The following TOP6BL variants were observed in gnomAD, a reference collection of about 807,000 sequenced individuals.
TOP6BL encodes type 2 DNA topoisomerase 6 subunit B-like.
the TOP6BL span, chr11:66,744,929 G>T: frequency 8.0e-7 from 1 of 1,252,916 alleles, no homozygotes. Context: ...GGTGATGCTG[G>T]GAAGGGAGAG....
chr11:66,761,807 A>T, the TOP6BL span: 1 of 818,030 alleles, frequency 1.2e-6, no homozygotes, highest in Non-Finnish European at 2.2e-6. Context: ...AACTTCCCTG[A>T]TAGAGAAGAT....
At chr11:66,779,113 C>G in the TOP6BL span, among the ~76,000 whole-genome samples, 10 of 152,310 alleles carry the variant, frequency 6.6e-5, no homozygotes, top group South Asian at 6.2e-4. Context: ...GCAAGGACTT[C>G]ATGTCTAAAA....
the TOP6BL span, chr11:66,744,862 TG>T: frequency 3.8e-6 from 5 of 1,310,164 alleles, no homozygotes; most frequent in Non-Finnish European, 3.9e-6. Context: ...ACCCTTCGAC[TG>T]GGCGTTGCCG....
chr11:66,835,695 T>G, the TOP6BL span, among the ~76,000 whole-genome samples: 2 of 152,242 alleles, frequency 1.3e-5, no homozygotes, highest in Non-Finnish European at 2.9e-5. Flanking sequence ...CTTCTTTCAT[T>G]TAGCATGTTT....
the TOP6BL span, chr11:66,843,419 G>T: frequency 1.4e-6 from 2 of 1,404,362 alleles, no homozygotes; most frequent in South Asian, 3.2e-5. Context: ...ACCTCCCTGG[G>T]ACTGCGTCAC....
At chr11:66,754,803 C>G in the TOP6BL span, among the ~76,000 whole-genome samples, 200 of 152,212 alleles carry the variant, frequency 1.3e-3, no homozygotes, top group Middle Eastern at 3.4e-3. Flanking sequence ...GATTCTCGTC[C>G]CAAAGATTGA....
the TOP6BL span, chr11:66,843,440 C>G: frequency 7.2e-7 from 1 of 1,388,920 alleles, no homozygotes; most frequent in African/African-American, 1.5e-5. Context: ...TGGTGCGCGC[C>G]GCGGGTCAGG....
chr11:66,827,014 T>C, the TOP6BL span, among the ~76,000 whole-genome samples: 1 of 129,654 alleles, frequency 7.7e-6, no homozygotes, highest in African/African-American at 3.1e-5. Flanking sequence ...GGAGTTTCGC[T>C]CTTGTTGCCC....
chr11:66,793,444 G>GTTTTTT, the TOP6BL span, among the ~76,000 whole-genome samples: 7 of 97,984 alleles, frequency 7.1e-5, no homozygotes, highest in Non-Finnish European at 1.2e-4. Context: ...TTCTTTTTTT[G>GTTTTTT]TTTTTTTTTT....
chr11:66,839,957 G>A, the TOP6BL span, among the ~76,000 whole-genome samples: 1 of 152,098 alleles, frequency 6.6e-6, no homozygotes, highest in Admixed American at 6.5e-5. Context: ...GAGGCAGAAC[G>A]CTTAGCAGGA....
chr11:66,797,702 G>A, the TOP6BL span, among the ~76,000 whole-genome samples: 1 of 151,908 alleles, frequency 6.6e-6, no homozygotes, highest in Non-Finnish European at 1.5e-5. Context: ...ATGGGATTTC[G>A]CCATGTTGGC....
chr11:66,828,620 G>T, the TOP6BL span: 7 of 391,596 alleles, frequency 1.8e-5, no homozygotes, highest in East Asian at 2.8e-4. Context: ...TCAGGCAGGA[G>T]GGTAGATTCA....
At chr11:66,834,775 G>A in the TOP6BL span, among the ~76,000 whole-genome samples, 2 of 152,150 alleles carry the variant, frequency 1.3e-5, no homozygotes, top group Non-Finnish European at 1.5e-5. Context: ...TCGAACTCCT[G>A]GGCTTAAGTG....
the TOP6BL span, among the ~76,000 whole-genome samples, chr11:66,799,828 C>T: frequency 6.6e-6 from 1 of 151,966 alleles, no homozygotes; most frequent in Admixed American, 6.6e-5. Context: ...TCCTATAATC[C>T]TAGCACTTTG....
the TOP6BL span, among the ~76,000 whole-genome samples, chr11:66,781,477 A>G: frequency 6.6e-6 from 1 of 152,178 alleles, no homozygotes; most frequent in Non-Finnish European, 1.5e-5. Context: ...CTTTGAACAT[A>G]TTTATAATAG....
the TOP6BL span, among the ~76,000 whole-genome samples, chr11:66,754,060 C>T: frequency 1.3e-5 from 2 of 152,198 alleles, no homozygotes; most frequent in African/African-American, 4.8e-5. Context: ...GACTGAAAAA[C>T]GTAGTCAGAT....
chr11:66,761,368 G>A, the TOP6BL span, among the ~76,000 whole-genome samples: 6 of 150,634 alleles, frequency 4.0e-5, no homozygotes, highest in Non-Finnish European at 5.9e-5. Flanking sequence ...GAGAGACTCC[G>A]TCTCAAAAAA....
chr11:66,750,803 G>T, the TOP6BL span, among the ~76,000 whole-genome samples: 1 of 151,516 alleles, frequency 6.6e-6, no homozygotes, highest in African/African-American at 2.4e-5. Context: ...GGGCTCAAAT[G>T]ATCCTCCTAA....
chr11:66,843,122 G>A, the TOP6BL span: 4 of 1,603,450 alleles, frequency 2.5e-6, no homozygotes, highest in Non-Finnish European at 2.6e-6. Context: ...TGCAGGCCAC[G>A]GGCCGCTGCT....
Sources: gnomAD v4.1 joint callset for allele counts (sites outside exome capture counted in the v4.1 genomes callset) on GRCh38, gnomAD v4.1.1 for gene constraint, MANE v1.5 for transcripts, NCBI Gene and HGNC (gene_info 2026-07-23, HGNC 2026-07-21) for gene names.